KCNMA1: variants seen among roughly 807,000 people sequenced by gnomAD.
KCNMA1 encodes the protein Calcium-activated potassium channel subunit alpha-1.
A neutral mutation model predicts 140.0 loss-of-function variants in KCNMA1; 29 were observed. The observed-to-expected ratio is 0.21, with a 90% CI of 0.15 to 0.28. The LOEUF is 0.28. KCNMA1 is among the 10% of genes least tolerant of loss of function. KCNMA1 has a pLI of 1.00. For synonymous variants in KCNMA1, 612 were observed against 611.9 expected (o/e 1.00, Z 0.00); for missense variants, 880 against 1,602.2 (o/e 0.55, Z 7.70).
chr10:76,908,833 C>T (rs1187340730), intron 25 of KCNMA1, among the ~76,000 whole-genome samples: 1 of 152,164 alleles, frequency 6.6e-6, no homozygotes, highest in African/African-American at 2.4e-5. Context: ...AGATTTTCTA[C>T]ATAATAAATA....
intron 25 of KCNMA1, among the ~76,000 whole-genome samples, chr10:76,895,423 T>C (rs997824195): frequency 6.6e-6 from 1 of 152,158 alleles, no homozygotes; most frequent in Non-Finnish European, 1.5e-5. Flanking sequence ...GACCCAGAAA[T>C]TCCACTCTTA....
intron 1 of KCNMA1, among the ~76,000 whole-genome samples, chr10:77,426,445 A>C (rs933793505): frequency 1.3e-5 from 2 of 152,304 alleles, no homozygotes; most frequent in Admixed American, 6.5e-5. Flanking sequence ...ACGGATGAGG[A>C]AAATAGGCAT....
intron 1 of KCNMA1, among the ~76,000 whole-genome samples, chr10:77,503,839 G>A (rs1469891879): frequency 6.6e-6 from 1 of 152,184 alleles, no homozygotes; most frequent in Admixed American, 6.5e-5. Context: ...GCTGGAAGGG[G>A]TCCCCACCAT....
intron 25 of KCNMA1, among the ~76,000 whole-genome samples, chr10:76,892,821 A>G (rs2040770827): frequency 6.6e-6 from 1 of 152,218 alleles, no homozygotes; most frequent in Non-Finnish European, 1.5e-5. Context: ...CCAAATTTAT[A>G]TTCACATAAT....
chr10:77,576,019 C>T (rs189388292), intron 1 of KCNMA1, among the ~76,000 whole-genome samples: 1 of 152,340 alleles, frequency 6.6e-6, no homozygotes, highest in Admixed American at 6.5e-5. Flanking sequence ...GGCTTCTCAG[C>T]CATGGATTGG....
chr10:77,334,831 C>T (rs1170722872), intron 2 of KCNMA1, among the ~76,000 whole-genome samples: 2 of 152,134 alleles, frequency 1.3e-5, no homozygotes, highest in South Asian at 2.1e-4. Context: ...AATTTTGATA[C>T]TATTTTGCAT....
chr10:77,555,786 G>A (rs777937346), intron 1 of KCNMA1, among the ~76,000 whole-genome samples: 5 of 152,210 alleles, frequency 3.3e-5, no homozygotes, highest in Non-Finnish European at 7.3e-5. Context: ...GCTCCTCCAT[G>A]CCTCTAGCAC....
chr10:77,492,098 G>A (rs1176491177), intron 1 of KCNMA1, among the ~76,000 whole-genome samples: 1 of 152,226 alleles, frequency 6.6e-6, no homozygotes, highest in African/African-American at 2.4e-5. Context: ...CCTCTGGTCT[G>A]TGACAGCCAG....
chr10:77,001,991 C>G (rs959777382), intron 18 of KCNMA1, among the ~76,000 whole-genome samples: 41 of 152,144 alleles, frequency 2.7e-4, no homozygotes, highest in African/African-American at 9.9e-4. Context: ...ATGAAATTAG[C>G]TGCTTATTTG....
intron 1 of KCNMA1, among the ~76,000 whole-genome samples, chr10:77,628,072 A>G (rs1416955058): frequency 6.6e-6 from 1 of 151,978 alleles, no homozygotes; most frequent in Non-Finnish European, 1.5e-5. Flanking sequence ...AGTCTCTAAA[A>G]GGGAAGAAGG....
intron 2 of KCNMA1, among the ~76,000 whole-genome samples, chr10:77,266,176 G>T (rs2063387405): frequency 6.6e-6 from 1 of 151,802 alleles, no homozygotes. Flanking sequence ...GAGACTTTGG[G>T]TTCCAAAGAA....
intron 2 of KCNMA1, among the ~76,000 whole-genome samples, chr10:77,394,800 T>C (rs1479494371): frequency 6.6e-6 from 1 of 152,142 alleles, no homozygotes; most frequent in African/African-American, 2.4e-5. Context: ...TGAAGAGGAA[T>C]ATTGACAGGC....
At chr10:77,301,457 CT>C (rs1450121097) in intron 2 of KCNMA1, among the ~76,000 whole-genome samples, 4 of 152,108 alleles carry the variant, frequency 2.6e-5, no homozygotes, top group African/African-American at 9.7e-5. Flanking sequence ...TTTCTCAAAA[CT>C]TTTAAGTAAA....
chr10:77,370,841 TAG>T (rs1222760941), intron 2 of KCNMA1, among the ~76,000 whole-genome samples: 6 of 152,184 alleles, frequency 3.9e-5, no homozygotes, highest in African/African-American at 1.4e-4. Flanking sequence ...CTTGAAAAAG[TAG>T]AGTCACAGTG....
chr10:77,138,997 C>T (rs2098112685), intron 5 of KCNMA1, among the ~76,000 whole-genome samples: 2 of 152,214 alleles, frequency 1.3e-5, no homozygotes, highest in Admixed American at 1.3e-4. Flanking sequence ...TGCCTGCCTC[C>T]TGCCCGTTCC....
chr10:77,260,646 T>G (rs975569029), intron 2 of KCNMA1, among the ~76,000 whole-genome samples: 3 of 151,498 alleles, frequency 2.0e-5, no homozygotes, highest in Non-Finnish European at 2.9e-5. Context: ...GTGGTGGAGG[T>G]TGCAGTGAGC....
At chr10:77,556,585 T>C (rs1442862572) in intron 1 of KCNMA1, among the ~76,000 whole-genome samples, 2 of 148,882 alleles carry the variant, frequency 1.3e-5, no homozygotes, top group Admixed American at 1.3e-4. Context: ...AAGACCAGGA[T>C]ACAGTACAAT....
At chr10:77,024,041 A>C (rs767918010) in intron 16 of KCNMA1, among the ~76,000 whole-genome samples, 6 of 152,156 alleles carry the variant, frequency 3.9e-5, no homozygotes, top group Non-Finnish European at 4.4e-5. Context: ...CGTACATACA[A>C]AAAAATATTA....
chr10:76,930,692 T>G (rs1222191789), intron 23 of KCNMA1, among the ~76,000 whole-genome samples: 3 of 152,304 alleles, frequency 2.0e-5, no homozygotes, highest in South Asian at 4.2e-4. Flanking sequence ...TGGAGCACTA[T>G]TCACAATAGC....
Sources: gnomAD v4.1 joint callset for allele counts (sites outside exome capture counted in the v4.1 genomes callset) on GRCh38, gnomAD v4.1.1 for gene constraint, MANE v1.5 for transcripts, NCBI Gene and HGNC (gene_info 2026-07-23, HGNC 2026-07-21) for gene names.